The following SUSD3 variants were observed in gnomAD, a reference collection of about 807,000 sequenced individuals.
SUSD3 encodes the protein sushi domain containing 3.
SUSD3 carries 18 observed loss-of-function variants against 20.6 expected under a neutral mutation model. That is an observed-to-expected ratio of 0.87 (90% CI 0.60 to 1.30). SUSD3 has a LOEUF of 1.30. Ranked by LOEUF, SUSD3 falls within the 50% of genes most tolerant of loss-of-function variation. The probability of loss-of-function intolerance (pLI) is 0.00; values close to 1 mark genes in which losing one functional copy is unlikely to be tolerated. For synonymous variants in SUSD3, 137 were observed against 141.5 expected (o/e 0.97, Z 0.23); for missense variants, 306 against 346.9 (o/e 0.88, Z 0.94).
In SUSD3 at chr9:93,058,735, C is replaced by G; in HGVS notation, c.-8C>G. The G allele has an allele frequency of 1.6e-6, 2 of 1,232,272 alleles. No individual in the cohort carries two copies. The highest frequency in any genetic ancestry group is 1.0e-6 in the Non-Finnish European group (1 of 987,166). The allele number at this position is 1,232,272 out of a possible 1,614,324, so 76.3% of individuals were successfully genotyped here. On this transcript the variant is annotated 5_prime_UTR_variant, in exon 1 of 5. Coordinates refer to ENST00000375472, the MANE Select transcript of SUSD3 (RefSeq NM_145006.4). ...GCAGACCCCGCCAAGCGCCTCGGAG[C>G]GCGCAGGATGCGCTGGGCGGCCGCC...
At chr9:93,072,907 A>G (rs1395177793) in intron 1 of SUSD3, among the ~76,000 whole-genome samples, 1 of 152,136 alleles carries the variant, frequency 6.6e-6, no homozygotes, top group Non-Finnish European at 1.5e-5. Context: ...CATGGTGAGC[A>G]GGTTTGGGGA....
intron 3 of SUSD3, 108 bp downstream of exon 3, chr9:93,078,101 C>T (rs1173194321): frequency 4.8e-6 from 7 of 1,465,756 alleles, no homozygotes; most frequent in Admixed American, 1.8e-5. Context: ...GCCCTCAGGG[C>T]ACCCGTTCCT....
chr9:93,060,131 G>A (rs1587891097), intron 1 of SUSD3, among the ~76,000 whole-genome samples: 1 of 152,290 alleles, frequency 6.6e-6, no homozygotes, highest in African/African-American at 2.4e-5. Flanking sequence ...CATACAAAAG[G>A]CTGTTTGCCT....
rs2118886849 is a variant in SUSD3, at chr9:93,058,818, G to A, written c.76G>A (p.Gly26Arg). 2.4e-6 allele frequency: 3 copies of A among 1,258,278 alleles called. No individual in the cohort carries two copies. The highest frequency in any genetic ancestry group is 6.3e-5 in the East Asian group (2 of 31,788). 77.9% of individuals were successfully genotyped at this position (1,258,278 alleles called of 1,614,324 possible). The change falls in exon 1 of 5, where the codon GGG becomes AGG. Residue 26 changes from glycine (G) to arginine (R), a missense_variant. Coordinates refer to ENST00000375472, the MANE Select transcript of SUSD3 (RefSeq NM_145006.4). The stretch of plus-strand genomic sequence containing the variant: ...GGCCGGGGTCACCACGCCTGCCCCA[G>A]GGAACCGCACAGGTGAGGGCTGGGG... Reference protein sequence around the residue: ...GRAGVTTPAPGNRTGTCAKLR... With the variant: ...GRAGVTTPAPRNRTGTCAKLR...
chr9:93,082,569 G>A (rs548287462), intron 4 of SUSD3, among the ~76,000 whole-genome samples: 5 of 152,158 alleles, frequency 3.3e-5, no homozygotes, highest in East Asian at 1.9e-4. Context: ...TGCCCACCTC[G>A]GCCTCCCAAA....
At chr9:93,080,053 C>T (rs745589374) in intron 4 of SUSD3, among the ~76,000 whole-genome samples, 7 of 152,136 alleles carry the variant, frequency 4.6e-5, no homozygotes, top group Non-Finnish European at 8.8e-5. Flanking sequence ...ATTGGCCAGG[C>T]TTGGTGGCTC....
At chr9:93,078,562 C>T (rs867423141) in intron 3 of SUSD3, among the ~76,000 whole-genome samples, 4 of 151,012 alleles carry the variant, frequency 2.6e-5, no homozygotes, top group Admixed American at 6.6e-5. Context: ...GCGCCCGGCC[C>T]GTTTTATTCT....
chr9:93,084,015 A>C (rs1053915040), intron 4 of SUSD3, among the ~76,000 whole-genome samples: 1 of 152,126 alleles, frequency 6.6e-6, no homozygotes, highest in Non-Finnish European at 1.5e-5. Context: ...GGGTCTGGTC[A>C]GCCTGGGGAA....
chr9:93,079,335 T>C (rs1826305444), intron 3 of SUSD3, 136 bp from the exon 4 acceptor site: 3 of 920,884 alleles, frequency 3.3e-6, no homozygotes, highest in Middle Eastern at 2.3e-4. Flanking sequence ...AAACATCCAC[T>C]GCCCAGCTCT....
At chr9:93,080,985 C>G (rs78606693) in intron 4 of SUSD3, among the ~76,000 whole-genome samples, 2 of 152,188 alleles carry the variant, frequency 1.3e-5, no homozygotes, top group African/African-American at 2.4e-5. Flanking sequence ...AATATTGTCA[C>G]AGATCTCCTG....
Position 93,064,368 on chromosome 9 carries a change from G to A in SUSD3, c.88+5538G>A, listed in dbSNP as rs973020207. Among the ~76,000 whole-genome samples the A allele has an allele frequency of 5.3e-5, 8 of 152,168 alleles. No homozygotes were observed. In the East Asian group the frequency reaches 5.8e-4, roughly 11 times the overall value. ...GCCGACTTCACCCTTTATCCCCCAC[G>A]TCTGTGAGGCTCAATGATGCAGGCA... On this transcript the variant is annotated intron_variant, in intron 1 of 4. Transcript: ENST00000375472.
intron 4 of SUSD3, among the ~76,000 whole-genome samples, chr9:93,081,656 A>G (rs192470109): frequency 1.3e-5 from 2 of 152,250 alleles, no homozygotes; most frequent in East Asian, 1.9e-4. Context: ...GGTCTGGCCA[A>G]CACCTGCAGG....
At chr9:93,082,469 C>T (rs1826457096) in intron 4 of SUSD3, among the ~76,000 whole-genome samples, 1 of 152,064 alleles carries the variant, frequency 6.6e-6, no homozygotes, top group Non-Finnish European at 1.5e-5. Context: ...AGGTGTCCGC[C>T]ACCATGCCCA....
chr9:93,073,692 C>T (rs1157638455), intron 1 of SUSD3, among the ~76,000 whole-genome samples: 1 of 152,178 alleles, frequency 6.6e-6, no homozygotes, highest in Non-Finnish European at 1.5e-5. Flanking sequence ...TTTCACTGAA[C>T]GTCCTTGAAC....
At chr9:93,069,259 AC>A in intron 1 of SUSD3, 1 of 627,936 alleles carries the variant, frequency 1.6e-6, no homozygotes, top group Non-Finnish European at 2.9e-6. Context: ...GGGTTATCAG[AC>A]CCCCTGATAC....
At chr9:93,059,678 A>G (rs985446620) in intron 1 of SUSD3, among the ~76,000 whole-genome samples, 1 of 152,174 alleles carries the variant, frequency 6.6e-6, no homozygotes, top group African/African-American at 2.4e-5. Context: ...GGCTCTGCGC[A>G]GGAGGAAGCT....
At chr9:93,065,891 T>C (rs1357711264) in intron 1 of SUSD3, among the ~76,000 whole-genome samples, 1 of 152,174 alleles carries the variant, frequency 6.6e-6, no homozygotes, top group East Asian at 1.9e-4. Flanking sequence ...AGAATTCAAG[T>C]CCTAGCTGTG....
intron 1 of SUSD3, chr9:93,069,243 C>T (rs778312094): frequency 2.0e-5 from 13 of 664,586 alleles, no homozygotes; most frequent in Non-Finnish European, 3.3e-5. Context: ...CACTTAGTAG[C>T]CCTCTGGGTT....
rs201944177 is a variant in SUSD3 at position 93,075,874 on chromosome 9, G to T, written c.179G>T (p.Arg60Leu). Residue 60 changes from arginine (R) to leucine (L), a missense_variant, in exon 2 of 5, where the codon CGC becomes CTC. Physicochemically the swap from Arg to Leu is moderately radical, Grantham distance 102 (BLOSUM62 -2). Coordinates refer to ENST00000375472, the MANE Select transcript of SUSD3 (RefSeq NM_145006.4). ...TCCGTGGGGACCGTGCTCATGTTCC[G>T]CTGCCCCTCCAACCACCAGATGGTG... is the stretch of plus-strand genomic sequence containing the variant. Reference protein sequence around the residue: ...GASVGTVLMFRCPSNHQMVGS... With the variant: ...GASVGTVLMFLCPSNHQMVGS... 6.2e-7 allele frequency: 1 copy of T among 1,613,682 alleles called. No individual in the cohort carries two copies. Among genetic ancestry groups the T allele is most frequent in the South Asian group, 1.1e-5 (1 of 91,072 alleles).
Sources: gnomAD v4.1 joint callset for allele counts (sites outside exome capture counted in the v4.1 genomes callset) on GRCh38, gnomAD v4.1.1 for gene constraint, MANE v1.5 for transcripts, NCBI Gene and HGNC (gene_info 2026-07-23, HGNC 2026-07-21) for gene names.